The following OGFOD1 variants were observed in gnomAD, a reference collection of about 807,000 sequenced individuals.
OGFOD1 encodes prolyl 3-hydroxylase OGFOD1.
OGFOD1 carries 54 observed loss-of-function variants against 67.7 expected under a neutral mutation model. That is an observed-to-expected ratio of 0.80 (90% CI 0.64 to 1.00). The LOEUF (loss-of-function observed/expected upper bound fraction) is 1.00, where lower values mean the gene tolerates loss of function less well. Ranked by LOEUF, OGFOD1 falls within the 50% of genes least tolerant of loss-of-function variation. OGFOD1 has a pLI of 0.00. For missense variants in OGFOD1, 606 were observed against 646.7 expected (o/e 0.94, Z 0.68); for synonymous variants, 221 against 227.0 (o/e 0.97, Z 0.24).
At chr16:56,454,787 G>T (rs1472637681) in intron 2 of OGFOD1, 2 of 449,820 alleles carry the variant, frequency 4.4e-6, no homozygotes, top group East Asian at 1.4e-4. Flanking sequence ...TGATTGGTCA[G>T]ATGGTTGTAT....
At chr16:56,467,429 CCT>C (rs1962952195) in intron 7 of OGFOD1, 136 bp downstream of exon 7, 4 of 1,001,896 alleles carry the variant, frequency 4.0e-6, no homozygotes, top group Admixed American at 2.7e-5. Context: ...TTTTTTTCTT[CCT>C]TTTTTTTTTT....
At chr16:56,461,887 GT>G (rs1220907858) in intron 3 of OGFOD1, among the ~76,000 whole-genome samples, 1 of 152,096 alleles carries the variant, frequency 6.6e-6, no homozygotes, top group Non-Finnish European at 1.5e-5. Flanking sequence ...GAGGTCAGGA[GT>G]TGGAGACCAG....
chr16:56,467,451 G>T (rs1962953521), intron 7 of OGFOD1, among the ~76,000 whole-genome samples, 158 bp downstream of exon 7: 1 of 140,978 alleles, frequency 7.1e-6, no homozygotes. Context: ...TTTTGAGACA[G>T]AGTCTTGCTC....
rs1963530796 is a variant in OGFOD1 at position 56,477,382 on chromosome 16, T to G, written c.*1177T>G. ...CTACCATCACATGCCCCAAGAAACT[T>G]CTGGTTGGTAAAGAAGATAGGCTGC... On this transcript the variant is annotated 3_prime_UTR_variant, in exon 13 of 13. Coordinates refer to ENST00000566157, the MANE Select transcript of OGFOD1 (RefSeq NM_018233.4). The G allele has an allele frequency of 6.6e-6, 1 of 152,166 alleles. No homozygotes were observed. The highest frequency in any genetic ancestry group is 1.5e-5 in the Non-Finnish European group (1 of 68,042). 9.4% of individuals were successfully genotyped at this position (152,166 alleles called of 1,614,324 possible). A position where few individuals can be genotyped will look rare whatever the true frequency, so the allele number is the denominator to read the frequency against.
In OGFOD1 at chr16:56,477,932, G is replaced by T. The variant is rs1381786007; in HGVS notation, c.*1727G>T. 1 of 152,124 alleles carries T rather than the reference G, an allele frequency of 6.6e-6. No homozygotes were observed. The highest frequency in any genetic ancestry group is 1.5e-5 in the Non-Finnish European group (1 of 68,020). 9.4% of individuals were successfully genotyped at this position (152,124 alleles called of 1,614,324 possible). On this transcript the variant is annotated 3_prime_UTR_variant, in exon 13 of 13. Transcript: ENST00000566157. Reference sequence around the variant, plus strand: ...GGCTTTTAGGTTTAGTTTCAAAAAGGTTTAATTCTGCACCCTAGCCAGTTA... The same window carrying T: ...GGCTTTTAGGTTTAGTTTCAAAAAGTTTTAATTCTGCACCCTAGCCAGTTA...
intron 8 of OGFOD1, among the ~76,000 whole-genome samples, chr16:56,469,545 G>A (rs1411153948): frequency 1.3e-5 from 2 of 152,028 alleles, no homozygotes; most frequent in Non-Finnish European, 2.9e-5. Context: ...GGAGGAGTAG[G>A]GGATCTTGTA....
intron 8 of OGFOD1, 66 bp from the exon 9 acceptor site, chr16:56,469,937 C>A: frequency 7.5e-7 from 1 of 1,336,792 alleles, no homozygotes; most frequent in Non-Finnish European, 1.1e-6. Flanking sequence ...AGCTGCTGTA[C>A]CTGCCAAACC....
At position 56,476,917 on chromosome 16, in the gene OGFOD1, G is replaced by A. The variant is rs979690110; in HGVS notation, c.*712G>A. On this transcript the variant is annotated 3_prime_UTR_variant, in exon 13 of 13. Transcript: ENST00000566157. ...GGCCAAGGCAGGCGGATCACCTGAG[G>A]TCAGGAGTTAAAGACCAGCCTGACA... 2 of 152,274 alleles carry A rather than the reference G, an allele frequency of 1.3e-5. No individual in the cohort carries two copies. The highest frequency in any genetic ancestry group is 4.8e-5 in the African/African-American group (2 of 41,448). 9.4% of individuals were successfully genotyped at this position (152,274 alleles called of 1,614,324 possible). A position where few individuals can be genotyped will look rare whatever the true frequency, so the allele number is the denominator to read the frequency against.
intron 9 of OGFOD1, 38 bp downstream of exon 9, chr16:56,470,120 A>G: frequency 6.4e-7 from 1 of 1,561,900 alleles, no homozygotes; most frequent in Non-Finnish European, 8.8e-7. Flanking sequence ...TTCTACATTC[A>G]GCACCTATAA....
intron 10 of OGFOD1, 70 bp downstream of exon 10, chr16:56,470,861 C>T: frequency 2.1e-6 from 3 of 1,404,170 alleles, no homozygotes; most frequent in Non-Finnish European, 2.9e-6. Flanking sequence ...ATTCATTCAA[C>T]AAACATTTAT....
intron 1 of OGFOD1, chr16:56,452,056 C>G (rs1290210058): frequency 3.0e-6 from 1 of 334,406 alleles, no homozygotes; most frequent in Admixed American, 4.5e-5. Flanking sequence ...GAGTTAGAAT[C>G]CTCTCCCCTG....
intron 2 of OGFOD1, among the ~76,000 whole-genome samples, chr16:56,456,731 T>C (rs951643986): frequency 6.6e-6 from 1 of 152,248 alleles, no homozygotes; most frequent in Admixed American, 6.5e-5. Context: ...GTATTGTCTA[T>C]AGTATTCAGT....
chr16:56,454,661 A>T (rs1472497213), intron 2 of OGFOD1: 2 of 346,644 alleles, frequency 5.8e-6, no homozygotes, highest in Admixed American at 3.9e-5. Context: ...GGGAAAAAAA[A>T]AAGAAAGATT....
In OGFOD1 at chr16:56,476,197, T is replaced by C. The variant is rs1247205282; in HGVS notation, c.1621T>C (p.Tyr541His). ...TTTCTGGGACTTTTCATTCATCTAT[T>C]ATGAATGACAGCACTGGGCAAAGCT... ...TGFWDFSFIY[Y>H]E The change falls in exon 13 of 13, where the codon TAT (tyrosine) becomes CAT (histidine). Residue 541 changes from tyrosine to histidine, a missense_variant. Physicochemically the swap from Tyr to His is moderately conservative, Grantham distance 83. Transcript: ENST00000566157. The C allele has an allele frequency of 6.2e-7, 1 of 1,611,006 alleles. No homozygotes were observed. The highest frequency in any genetic ancestry group is 1.7e-5 in the Admixed American group (1 of 59,576).
chr16:56,467,000 G>C, intron 6 of OGFOD1, 33 bp downstream of exon 6: 3 of 1,560,224 alleles, frequency 1.9e-6, no homozygotes, highest in South Asian at 1.1e-5. Flanking sequence ...AGAGTAGCAA[G>C]GATTATGTTT....
Position 56,462,579 on chromosome 16 carries a change from T to C in OGFOD1, c.393T>C (p.Ser131=). 6.2e-7 allele frequency: 1 copy of C among 1,613,380 alleles called. No homozygotes were observed. The highest frequency in any genetic ancestry group is 8.5e-7 in the Non-Finnish European group (1 of 1,179,406). Residue 131 remains serine (S), a synonymous_variant, in exon 4 of 13, where the codon TCT becomes TCC. Coordinates refer to ENST00000566157, the MANE Select transcript of OGFOD1 (RefSeq NM_018233.4). ...TCCGGTCCTGGCTTTCTGATATTTC[T>C]AAAATTGACCTGGAATCAACCATTG... ...EDFRSWLSDI[S]KIDLESTIDM...
At chr16:56,468,717 C>T (rs1379524475) in intron 8 of OGFOD1, among the ~76,000 whole-genome samples, 1 of 123,916 alleles carries the variant, frequency 8.1e-6, no homozygotes. Context: ...CAGAGCGAGA[C>T]TCCGTCTCAA....
Position 56,470,684 on chromosome 16 carries a change from G to A in OGFOD1, c.1178G>A (p.Ser393Asn). Residue 393 changes from serine to asparagine, a missense_variant, in exon 10 of 13, where the codon AGC becomes AAC. Ser to Asn is a conservative substitution (Grantham distance 46). Coordinates refer to ENST00000566157, the MANE Select transcript of OGFOD1 (RefSeq NM_018233.4). ...ETTDITEEGTSHSPPEPENNQ... is the reference protein window; with the variant it reads ...ETTDITEEGTNHSPPEPENNQ... The stretch of plus-strand genomic sequence containing the variant: ...ACTGATATCACTGAAGAAGGGACTA[G>A]CCATAGTCCTCCTGAGCCAGAGAAT... The A allele has an allele frequency of 3.1e-6, 5 of 1,613,836 alleles. No homozygotes were observed. Among genetic ancestry groups the A allele is most frequent in the Non-Finnish European group, 4.2e-6 (5 of 1,179,704 alleles).
Position 56,477,227 on chromosome 16 carries a change from T to C in OGFOD1, c.*1022T>C, listed in dbSNP as rs1173109590. ...ATTATGGAGCCTTACATCCTGATCA[T>C]GCTGGGCCTTAGAATTCTGACACAG... On this transcript the variant is annotated 3_prime_UTR_variant, in exon 13 of 13. Transcript: ENST00000566157. The C allele has an allele frequency of 6.6e-6, 1 of 152,244 alleles. No homozygotes were observed. The highest frequency in any genetic ancestry group is 1.5e-5 in the Non-Finnish European group (1 of 68,046). 9.4% of individuals were successfully genotyped at this position (152,244 alleles called of 1,614,324 possible).
Sources: allele counts gnomAD v4.1 joint callset (sites outside exome capture counted in the v4.1 genomes callset), GRCh38; gene constraint gnomAD v4.1.1; transcripts MANE v1.5; gene names NCBI Gene and HGNC (gene_info 2026-07-23, HGNC 2026-07-21).